The following SCARB1 variants were observed in gnomAD, a reference collection of about 807,000 sequenced individuals.
SCARB1 encodes CD36 and LIMPII analogous 1.
Under a neutral mutation model 57.2 loss-of-function variants are expected in SCARB1, and 30 were observed. The observed-to-expected ratio is 0.52, with a 90% CI of 0.39 to 0.71. The LOEUF is 0.71. Among genes scored for constraint, SCARB1 ranks in the 30% least tolerant of loss-of-function variants. SCARB1 has a pLI of 0.00. For missense variants in SCARB1, 543 were observed against 671.2 expected (o/e 0.81, Z 2.11); for synonymous variants, 249 against 268.3 (o/e 0.93, Z 0.70).
chr12:124,804,148 A>T (rs1394646258), intron 7 of SCARB1, among the ~76,000 whole-genome samples: 1 of 152,190 alleles, frequency 6.6e-6, no homozygotes, highest in African/African-American at 2.4e-5. Context: ...AGCCTGGCCA[A>T]TCAGCATAGT....
chr12:124,821,789 C>T (rs947624104), intron 1 of SCARB1, among the ~76,000 whole-genome samples: 3 of 152,224 alleles, frequency 2.0e-5, no homozygotes, highest in Non-Finnish European at 4.4e-5. Flanking sequence ...ACCCTTCCTC[C>T]TCTGCCCCAC....
At chr12:124,859,205 G>A (rs993510154) in intron 1 of SCARB1, among the ~76,000 whole-genome samples, 15 of 152,052 alleles carry the variant, frequency 9.9e-5, no homozygotes, top group Non-Finnish European at 1.9e-4. Context: ...AATCAAACAC[G>A]TAGCATGTGG....
intron 1 of SCARB1, among the ~76,000 whole-genome samples, chr12:124,833,820 G>A (rs946250661): frequency 3.9e-5 from 6 of 152,240 alleles, no homozygotes; most frequent in Non-Finnish European, 7.3e-5. Flanking sequence ...ATGCTCACAC[G>A]TCCCCCGCTT....
At chr12:124,819,966 C>T (rs1398638339) in intron 1 of SCARB1, among the ~76,000 whole-genome samples, 1 of 152,210 alleles carries the variant, frequency 6.6e-6, no homozygotes, top group South Asian at 2.1e-4. Flanking sequence ...AATGAAGAAG[C>T]TGAATTCTTT....
chr12:124,821,974 T>C (rs1358217813), intron 1 of SCARB1, among the ~76,000 whole-genome samples: 2 of 152,184 alleles, frequency 1.3e-5, no homozygotes, highest in African/African-American at 2.4e-5. Context: ...TCAAAGACCA[T>C]GGCCCTGGAA....
intron 1 of SCARB1, among the ~76,000 whole-genome samples, chr12:124,845,353 G>A (rs1379199867): frequency 6.6e-6 from 1 of 152,074 alleles, no homozygotes; most frequent in Non-Finnish European, 1.5e-5. Context: ...GACGCTAAGC[G>A]GAAGCAGCCA....
At chr12:124,821,556 A>G (rs1200712374) in intron 1 of SCARB1, 13 of 985,092 alleles carry the variant, frequency 1.3e-5, no homozygotes, top group Non-Finnish European at 1.4e-5. Context: ...GCACTGCCCA[A>G]AGGGAATCTT....
intron 1 of SCARB1, among the ~76,000 whole-genome samples, chr12:124,824,322 G>A (rs1020638648): frequency 6.6e-5 from 10 of 152,172 alleles, no homozygotes; most frequent in African/African-American, 1.9e-4. Flanking sequence ...CCACACTTAC[G>A]AAATGCCCAG....
Position 124,807,813 on chromosome 12 carries a change from G to A in SCARB1, c.957C>T (p.Gly319=). Residue 319 remains glycine, a synonymous_variant, in exon 7 of 13, where the codon GGC becomes GGT. Transcript: ENST00000261693. The surrounding 1 kb of genome is among the most constrained non-coding windows in gnomAD (Gnocchi z 5.3). ...TTCCAGACTCCAGGCACGGGCAGAA[G>A]CCTTCGTTGGGTGGGTAGATGGACC... ...ANGSIYPPNE[G]FCPCLESGIQ... The A allele has an allele frequency of 6.2e-7, 1 of 1,614,172 alleles. No homozygotes were observed. The highest frequency in any genetic ancestry group is 1.1e-5 in the South Asian group (1 of 91,084).
chr12:124,859,815 A>C (rs572873923), intron 1 of SCARB1, among the ~76,000 whole-genome samples: 1 of 152,332 alleles, frequency 6.6e-6, no homozygotes, highest in Non-Finnish European at 1.5e-5. Flanking sequence ...ACGAAAATAA[A>C]AATAAAAATG....
At chr12:124,782,480 T>C (rs1284583305) in intron 12 of SCARB1, among the ~76,000 whole-genome samples, 1 of 152,128 alleles carries the variant, frequency 6.6e-6, no homozygotes, top group Non-Finnish European at 1.5e-5. Flanking sequence ...CCCTCTGGGA[T>C]CAAAAAAACT....
chr12:124,801,868 G>A (rs985278762), intron 7 of SCARB1, among the ~76,000 whole-genome samples: 5 of 145,766 alleles, frequency 3.4e-5, no homozygotes, highest in African/African-American at 1.0e-4. Flanking sequence ...ATAAAATAAA[G>A]GGCCGGGCGC....
chr12:124,790,535 T>G (rs2135557101), intron 9 of SCARB1, among the ~76,000 whole-genome samples: 1 of 152,316 alleles, frequency 6.6e-6, no homozygotes, highest in African/African-American at 2.4e-5. Context: ...GATCTTAGCC[T>G]TGTTGTGTTC....
At chr12:124,786,285 A>G in intron 11 of SCARB1, 72 bp downstream of exon 11, 2 of 1,604,276 alleles carry the variant, frequency 1.2e-6, no homozygotes, top group Non-Finnish European at 1.7e-6. Context: ...AGAGGGTCCG[A>G]TCTGAGGCCC....
At chr12:124,833,427 A>T (rs1951502002) in intron 1 of SCARB1, among the ~76,000 whole-genome samples, 1 of 151,984 alleles carries the variant, frequency 6.6e-6, no homozygotes, top group Admixed American at 6.6e-5. Context: ...TGGGCTCAAA[A>T]ATCTCCCACC....
Position 124,786,420 on chromosome 12 carries a change from G to T in SCARB1, c.1338C>A (p.Tyr446Ter), listed in dbSNP as rs528859014. 1 of 1,614,166 alleles carries T rather than the reference G, an allele frequency of 6.2e-7. No individual in the cohort carries two copies. The highest frequency in any genetic ancestry group is 1.1e-5 in the South Asian group (1 of 91,086). The change falls in exon 11 of 13, where the codon TAC (tyrosine) becomes TAA (stop). Residue 446 changes from tyrosine (Y) to a stop codon, truncating the protein, a stop_gained. Transcript: ENST00000261693. LOFTEE classifies it high-confidence loss of function. ...GGACGCAGCCCAGCGCCAGGAGGAC[G>T]TACTGGGCATAGTGCATCACCTTGG... is the stretch of plus-strand genomic sequence containing the variant. ...LMPKVMHYAQYVLLALGCVLL... is the reference protein window; with the variant it reads ...LMPKVMHYAQ
chr12:124,791,522 T>C (rs559823881), intron 9 of SCARB1, among the ~76,000 whole-genome samples: 1 of 152,318 alleles, frequency 6.6e-6, no homozygotes, highest in East Asian at 1.9e-4. Context: ...GCACATTTAT[T>C]ATTGTTGTTG....
chr12:124,813,148 T>C (rs1042445945), intron 4 of SCARB1, among the ~76,000 whole-genome samples: 6 of 152,158 alleles, frequency 3.9e-5, no homozygotes, highest in African/African-American at 1.4e-4. Context: ...CAGCTTCCCC[T>C]GGAGCTAGGT....
Position 124,839,514 on chromosome 12 carries a change from G to C in SCARB1, c.127-21807C>G, listed in dbSNP as rs1280877916. ...TCGTGAACAGCGCTGCAATGAACGC[G>C]GTGGCCAGATTCCTCTTCAAGTTCC... On this transcript the variant is annotated intron_variant, in intron 1 of 12. Transcript: ENST00000261693. 2.6e-5 allele frequency among the ~76,000 whole-genome samples: 4 copies of C among 152,290 alleles called. No homozygotes were observed. In the East Asian group the frequency reaches 7.7e-4, roughly 29 times the overall value.
Sources: gnomAD v4.1 joint callset for allele counts (sites outside exome capture counted in the v4.1 genomes callset) on GRCh38, gnomAD v4.1.1 for gene constraint, Gnocchi (gnomAD v3.1) non-coding constraint, MANE v1.5 for transcripts, NCBI Gene and HGNC (gene_info 2026-07-23, HGNC 2026-07-21) for gene names.